AGO4: variants seen among roughly 807,000 people sequenced by gnomAD.
AGO4 encodes argonaute RISC component 4.
In AGO4, 33 loss-of-function variants were observed where a neutral mutation model predicts 104.7. The observed-to-expected ratio is 0.32, with a 90% CI of 0.24 to 0.42. AGO4 has a LOEUF of 0.42. Ranked by LOEUF, AGO4 falls within the 10% of genes least tolerant of loss-of-function variation. The pLI is 1.00. For synonymous variants in AGO4, 331 were observed against 364.7 expected (o/e 0.91, Z 1.05); for missense variants, 711 against 1,083.4 (o/e 0.66, Z 4.83).
At position 35,841,576 on chromosome 1, in the gene AGO4, C is replaced by A. The variant is rs1644443952; in HGVS notation, c.2041-40C>A. The A allele has an allele frequency of 1.9e-6, 3 of 1,613,442 alleles. No homozygotes were observed. The highest frequency in any genetic ancestry group is 1.7e-6 in the Non-Finnish European group (2 of 1,179,632). ...CTGGGTAGATCTGAGAGATACTAGG[C>A]AAATTCTCAATTAAACATAATTCCA... On this transcript the variant is annotated intron_variant, in intron 14 of 17. Transcript: ENST00000373210. The surrounding 1 kb of genome is among the most constrained non-coding windows in gnomAD (Gnocchi z 4.7).
At position 35,857,382 on chromosome 1, in the gene AGO4, T is replaced by C. The variant is rs1351712418; in HGVS notation, c.*3777T>C. On this transcript the variant is annotated 3_prime_UTR_variant, in exon 18 of 18. Transcript: ENST00000373210. ...GCTATTGACATATTCATGCTCTTTC[T>C]ACGTCTAGTGGCTGAAAATGTTTGC... The C allele has an allele frequency of 6.6e-6, 1 of 152,264 alleles. No homozygotes were observed. The highest frequency in any genetic ancestry group is 3.2e-3 in the Middle Eastern group (1 of 316). 9.4% of individuals were successfully genotyped at this position (152,264 alleles called of 1,614,324 possible). A position where few individuals can be genotyped will look rare whatever the true frequency, so the allele number is the denominator to read the frequency against.
rs961924988 is a variant in AGO4, at chr1:35,847,173, T to TA, written c.2176-2973dup. Among the ~76,000 whole-genome samples the TA allele has an allele frequency of 1.8e-3, 268 of 144,926 alleles. 2 individuals are homozygous for TA. The highest frequency in any genetic ancestry group is 0.012 in the East Asian group (63 of 5,060). On this transcript the variant is annotated intron_variant, in intron 15 of 17. Coordinates refer to ENST00000373210, the MANE Select transcript of AGO4 (RefSeq NM_017629.4). ...AATACACTAACCATAGCTGATGGGC[T>TA]AAAAAAAAAAATCACAAACAAATCT...
In AGO4 at chr1:35,841,137, G is replaced by C. The variant is rs1478923001; in HGVS notation, c.1725-28G>C. The C allele has an allele frequency of 3.1e-6, 5 of 1,593,982 alleles. No homozygotes were observed. The highest frequency in any genetic ancestry group is 4.3e-6 in the Non-Finnish European group (5 of 1,164,660). On this transcript the variant is annotated intron_variant, in intron 13 of 17. Transcript: ENST00000373210. This position sits in a 1 kb window ranked among gnomAD's most constrained non-coding sequence, Gnocchi z 4.7. ...CAAACATTTTCACTTATATGTCTGA[G>C]TGGCAACATCTCCTTAAATCTGAGC...
chr1:35,851,422 G>C (rs1479722681), intron 17 of AGO4, among the ~76,000 whole-genome samples: 1 of 152,166 alleles, frequency 6.6e-6, no homozygotes, highest in Non-Finnish European at 1.5e-5. Context: ...AAGTGAGGAG[G>C]CCTGACCAGT....
At chr1:35,829,080 A>G (rs1644111273) in intron 7 of AGO4, among the ~76,000 whole-genome samples, 1 of 149,424 alleles carries the variant, frequency 6.7e-6, no homozygotes, top group Admixed American at 6.7e-5. Flanking sequence ...TTTGTTTTAG[A>G]TTCATGATTC....
chr1:35,849,882 T>G (rs1280599868), intron 15 of AGO4, among the ~76,000 whole-genome samples: 1 of 152,192 alleles, frequency 6.6e-6, no homozygotes, highest in African/African-American at 2.4e-5. Flanking sequence ...CATCTGTAAA[T>G]ACATAATAAT....
chr1:35,811,233 G>A (rs1643492539), intron 1 of AGO4, among the ~76,000 whole-genome samples: 1 of 151,760 alleles, frequency 6.6e-6, no homozygotes, highest in South Asian at 2.1e-4. Flanking sequence ...CAGCACTCTG[G>A]GAGGCCGAGG....
intron 2 of AGO4, among the ~76,000 whole-genome samples, chr1:35,818,936 G>T (rs2148654880): frequency 6.6e-6 from 1 of 152,302 alleles, no homozygotes; most frequent in Non-Finnish European, 1.5e-5. Context: ...CCTGGATGCT[G>T]TGCTGAAATT....
At chr1:35,819,855 G>A (rs903689591) in intron 2 of AGO4, among the ~76,000 whole-genome samples, 3 of 151,312 alleles carry the variant, frequency 2.0e-5, no homozygotes, top group African/African-American at 7.3e-5. Flanking sequence ...TCAGGGAACA[G>A]TTCGAGGCTG....
chr1:35,828,556 G>T (rs1244362547), intron 7 of AGO4, among the ~76,000 whole-genome samples: 1 of 150,792 alleles, frequency 6.6e-6, no homozygotes, highest in Non-Finnish European at 1.5e-5. Flanking sequence ...TTTAGCTCTT[G>T]TTGCCCAGGT....
At position 35,832,091 on chromosome 1, in the gene AGO4, C is replaced by T; in HGVS notation, c.1151C>T (p.Pro384Leu). The stretch of plus-strand genomic sequence containing the variant: ...AACAGTATGGTGGGTGGACCTGATC[C>T]ATACCTTAAAGAATTTGGTATTGTT... ...KSNSMVGGPD[P>L]YLKEFGIVVH... Residue 384 changes from proline to leucine, a missense_variant, in exon 10 of 18, where the codon CCA becomes CTA. By Grantham distance (98) the Pro-to-Leu change is moderately conservative. Coordinates refer to ENST00000373210, the MANE Select transcript of AGO4 (RefSeq NM_017629.4). 1 of 1,614,132 alleles carries T rather than the reference C, an allele frequency of 6.2e-7. No individual in the cohort carries two copies. The highest frequency in any genetic ancestry group is 8.5e-7 in the Non-Finnish European group (1 of 1,180,012).
At chr1:35,827,790 C>CTTTTTTTTTTTTTTTTT (rs142432459) in intron 7 of AGO4, among the ~76,000 whole-genome samples, 1 of 103,850 alleles carries the variant, frequency 9.6e-6, no homozygotes. Flanking sequence ...TGTTGTTATT[C>CTTTTTTTTTTTTTTTTT]TTTTTTTTTT....
At position 35,841,901 on chromosome 1, in the gene AGO4, TG is replaced by T; in HGVS notation, c.2175+154del. 2.5e-6 allele frequency: 1 copy of T among 396,766 alleles called. No homozygotes were observed. Among genetic ancestry groups the T allele is most frequent in the Non-Finnish European group, 3.9e-6 (1 of 253,532 alleles). The allele number at this position is 396,766 out of a possible 1,614,324, so 24.6% of individuals were successfully genotyped here. On this transcript the variant is annotated intron_variant, in intron 15 of 17. Transcript: ENST00000373210. This position sits in a 1 kb window ranked among gnomAD's most constrained non-coding sequence, Gnocchi z 4.7. ...TGCCTGATAATAATTTAACTGCAGT[TG>T]GGTTTAGATGACCAATTCTGAATGA...
At chr1:35,830,973 C>CAA (rs543347096) in intron 7 of AGO4, among the ~76,000 whole-genome samples, 30 of 56,918 alleles carry the variant, frequency 5.3e-4, no homozygotes, top group African/African-American at 8.2e-4. Context: ...CTCTGTCTCA[C>CAA]AAAAAAAAAA....
rs576194063 is a variant in AGO4 at position 35,830,840 on chromosome 1, C to T, written c.849-587C>T. The stretch of plus-strand genomic sequence containing the variant: ...AAAATACAAAAATTATAGGTGGTGG[C>T]GCGCACTTGTAATCCCAGCTACTCG... On this transcript the variant is annotated intron_variant, in intron 7 of 17. Transcript: ENST00000373210. 1.4e-4 allele frequency among the ~76,000 whole-genome samples: 22 copies of T among 151,766 alleles called. No individual in the cohort carries two copies. The South Asian group carries it at 2.5e-3, about 17-fold the overall frequency.
At chr1:35,825,848 T>G in intron 5 of AGO4, 33 bp downstream of exon 5, 1 of 1,593,424 alleles carries the variant, frequency 6.3e-7, no homozygotes, top group Non-Finnish European at 8.5e-7. Flanking sequence ...CAATAACTCT[T>G]TGGGCTGGTT....
chr1:35,838,806 A>G (rs912953095), intron 13 of AGO4, among the ~76,000 whole-genome samples: 4 of 152,172 alleles, frequency 2.6e-5, no homozygotes, highest in Non-Finnish European at 5.9e-5. Context: ...TTTCTGTGAA[A>G]TACTATGTGT....
chr1:35,849,689 A>G (rs923836562), intron 15 of AGO4, among the ~76,000 whole-genome samples: 6 of 149,458 alleles, frequency 4.0e-5, no homozygotes, highest in African/African-American at 1.2e-4. Flanking sequence ...GCTGTCTCAA[A>G]AAAAAAAAAA....
intron 11 of AGO4, among the ~76,000 whole-genome samples, chr1:35,833,545 A>G (rs1174790704): frequency 6.6e-6 from 1 of 152,136 alleles, no homozygotes; most frequent in Admixed American, 6.6e-5. Flanking sequence ...AAATACACTG[A>G]TTTTGTAACA....
Sources: gnomAD v4.1 joint callset for allele counts (sites outside exome capture counted in the v4.1 genomes callset) on GRCh38, gnomAD v4.1.1 for gene constraint, Gnocchi (gnomAD v3.1) non-coding constraint, MANE v1.5 for transcripts, NCBI Gene and HGNC (gene_info 2026-07-23, HGNC 2026-07-21) for gene names.